DRD1: variants seen among roughly 807,000 people sequenced by gnomAD.
DRD1 encodes dopamine receptor D1.
Under a neutral mutation model 23.8 loss-of-function variants are expected in DRD1, and 2 were observed. The ratio of observed to expected loss-of-function variants is 0.08; its 90% CI spans 0.03 to 0.26. The LOEUF is 0.26. DRD1 is among the 10% of genes least tolerant of loss of function. The pLI, the probability that DRD1 is intolerant of heterozygous loss-of-function variation, is 1.00. For synonymous variants in DRD1, 218 were observed against 225.7 expected (o/e 0.97, Z 0.30); for missense variants, 376 against 559.0 (o/e 0.67, Z 3.30).
At position 175,441,361 on chromosome 5, in the gene DRD1, T is replaced by G. The variant is rs1389980967; in HGVS notation, c.*398A>C. On this transcript the variant is annotated 3_prime_UTR_variant, in exon 2 of 2. Transcript: ENST00000393752. The stretch of plus-strand genomic sequence containing the variant: ...TACCTTTACAATCTGAAAACTTTGC[T>G]GGGAACAGTGTTAGCACCTGTTTGT... The G allele has an allele frequency of 6.3e-6, 1 of 159,760 alleles. No homozygotes were observed. The highest frequency in any genetic ancestry group is 2.4e-5 in the African/African-American group (1 of 41,694). The allele number at this position is 159,760 out of a possible 1,614,324, so 9.9% of individuals were successfully genotyped here.
chr5:175,443,006 G>C lies in DRD1; in HGVS notation c.94C>G (p.Leu32Val). 1 of 1,614,168 alleles carries C rather than the reference G, an allele frequency of 6.2e-7. No individual in the cohort carries two copies. The highest frequency in any genetic ancestry group is 8.5e-7 in the Non-Finnish European group (1 of 1,180,034). Residue 32 changes from leucine to valine, a missense_variant, in exon 2 of 2, where the codon CTG becomes GTG. This residue lies in a region of DRD1 where 47 missense variants were observed against 39.4 expected (regional missense o/e 1.19). Transcript: ENST00000393752. Reference sequence around the variant, plus strand: ...CCCAGGAGCGTGGACAGGATGAGCAGCGACAGGAAACAGGCAGTGAGGATA... The same window carrying C: ...CCCAGGAGCGTGGACAGGATGAGCACCGACAGGAAACAGGCAGTGAGGATA... Reference protein sequence around the residue: ...VRILTACFLSLLILSTLLGNT... With the variant: ...VRILTACFLSVLILSTLLGNT...
At position 175,444,079 on chromosome 5, in the gene DRD1, C is replaced by T. The variant is rs1476102954; in HGVS notation, c.-864G>A. ...TGGCGAACCTCGGGCGGCCTTCAGC[C>T]CTACAGAGCAGGGCCCCGCGCCTCC... On this transcript the variant is annotated 5_prime_UTR_variant, in exon 1 of 2. Transcript: ENST00000393752. 6.6e-6 allele frequency: 1 copy of T among 152,474 alleles called. No individual in the cohort carries two copies. Among genetic ancestry groups the T allele is most frequent in the Admixed American group, 6.5e-5 (1 of 15,292 alleles). 9.4% of individuals were successfully genotyped at this position (152,474 alleles called of 1,614,324 possible). A position where few individuals can be genotyped will look rare whatever the true frequency, so the allele number is the denominator to read the frequency against.
rs1168283420 is a variant in DRD1, at chr5:175,442,727, T to C, written c.373A>G (p.Ile125Val). Residue 125 changes from isoleucine (I) to valine (V), a missense_variant, in exon 2 of 2, where the codon ATC (isoleucine) becomes GTC (valine). Transcript: ENST00000393752. This position sits in a 1 kb window ranked among gnomAD's most constrained non-coding sequence, Gnocchi z 7.3. Reference protein sequence around the residue: ...CVISVDRYWAISSPFRYERKM... With the variant: ...CVISVDRYWAVSSPFRYERKM... The stretch of plus-strand genomic sequence containing the variant: ...CTCTCATACCGGAAAGGGCTGGAGA[T>C]AGCCCAATACCTGTCCACGCTGATC... 6.2e-7 allele frequency: 1 copy of C among 1,613,854 alleles called. No individual in the cohort carries two copies. Among genetic ancestry groups the C allele is most frequent in the Non-Finnish European group, 8.5e-7 (1 of 1,180,008 alleles).
Position 175,443,110 on chromosome 5 carries a change from G to C in DRD1, c.-11C>G, listed in dbSNP as rs1758554556. ...GTTCAGAGTCCTCATCTTCCTAAGA[G>C]AAAGCACATCAGGGGCTCTGACACC... On this transcript the variant is annotated 5_prime_UTR_variant, in exon 2 of 2. Transcript: ENST00000393752. The C allele has an allele frequency of 2.5e-6, 4 of 1,610,128 alleles. No homozygotes were observed. In the East Asian group the frequency reaches 6.7e-5, roughly 27 times the overall value.
At position 175,443,161 on chromosome 5, in the gene DRD1, G is replaced by A; in HGVS notation, c.-62C>T. On this transcript the variant is annotated 5_prime_UTR_variant, in exon 2 of 2. Coordinates refer to ENST00000393752, the MANE Select transcript of DRD1 (RefSeq NM_000794.5). ...CCTCAAGTTCCCAAGCAGGGAATAG[G>A]GGTCAGTCAGATTTCCAGGAGTCCT... 1 of 1,552,452 alleles carries A rather than the reference G, an allele frequency of 6.4e-7. No homozygotes were observed. Among genetic ancestry groups the A allele is most frequent in the South Asian group, 1.2e-5 (1 of 80,144 alleles).
Position 175,440,877 on chromosome 5 carries a change from A to T in DRD1, c.*882T>A, listed in dbSNP as rs1469399105. On this transcript the variant is annotated 3_prime_UTR_variant, in exon 2 of 2. Transcript: ENST00000393752. ...ATTTGTCATTTAAAACGTTTTGAACACAGTAGTAGCTATACTTTTTTAAAT... is the reference window on the plus strand; with the variant it reads ...ATTTGTCATTTAAAACGTTTTGAACTCAGTAGTAGCTATACTTTTTTAAAT... 1 of 152,570 alleles carries T rather than the reference A, an allele frequency of 6.6e-6. No homozygotes were observed. The highest frequency in any genetic ancestry group is 6.5e-5 in the Admixed American group (1 of 15,286). The allele number at this position is 152,570 out of a possible 1,614,324, so 9.5% of individuals were successfully genotyped here.
rs1247066121 is a variant in DRD1 at position 175,440,607 on chromosome 5, A to C, written c.*1152T>G. ...ATGCAGGGTTTGAGTTTGGTCCCTC[A>C]GTGGGGCTGCTGTAACCCACTGTCT... On this transcript the variant is annotated 3_prime_UTR_variant, in exon 2 of 2. Coordinates refer to ENST00000393752, the MANE Select transcript of DRD1 (RefSeq NM_000794.5). 1.3e-5 allele frequency: 2 copies of C among 152,748 alleles called. No homozygotes were observed. Among genetic ancestry groups the C allele is most frequent in the African/African-American group, 2.4e-5 (1 of 41,580 alleles). The allele number at this position is 152,748 out of a possible 1,614,324, so 9.5% of individuals were successfully genotyped here. A position where few individuals can be genotyped will look rare whatever the true frequency, so the allele number is the denominator to read the frequency against.
chr5:175,442,745 C>A lies in DRD1; in HGVS notation c.355G>T (p.Val119Leu). Residue 119 changes from valine (V) to leucine (L), a missense_variant, in exon 2 of 2, where the codon GTG (valine) becomes TTG (leucine). This residue lies in a region of DRD1 where 121 missense variants were observed against 239.4 expected (regional missense o/e 0.51). Coordinates refer to ENST00000393752, the MANE Select transcript of DRD1 (RefSeq NM_000794.5). This position sits in a 1 kb window ranked among gnomAD's most constrained non-coding sequence, Gnocchi z 7.3. ...ASILNLCVIS[V>L]DRYWAISSPF... ...CTGGAGATAGCCCAATACCTGTCCA[C>A]GCTGATCACACAGAGGTTGAGGATG... is the stretch of plus-strand genomic sequence containing the variant. The A allele has an allele frequency of 6.2e-7, 1 of 1,614,100 alleles. No homozygotes were observed. Among genetic ancestry groups the A allele is most frequent in the Non-Finnish European group, 8.5e-7 (1 of 1,180,016 alleles).
In DRD1 at chr5:175,442,833, G is replaced by A; in HGVS notation, c.267C>T (p.Phe89=). 1 of 1,614,174 alleles carries A rather than the reference G, an allele frequency of 6.2e-7. No homozygotes were observed. Among genetic ancestry groups the A allele is most frequent in the Non-Finnish European group, 8.5e-7 (1 of 1,180,042 alleles). Residue 89 remains phenylalanine (F), a synonymous_variant, in exon 2 of 2, where the codon TTC becomes TTT. Transcript: ENST00000393752. This position sits in a 1 kb window ranked among gnomAD's most constrained non-coding sequence, Gnocchi z 7.3. ...TGTTACAGAAGGACCCAAAGGGCCA[G>A]AAGCCAGCAATCTCAGCCACTGCCT... ...PWKAVAEIAG[F]WPFGSFCNIW...
In DRD1 at chr5:175,441,732, C is replaced by G; in HGVS notation, c.*27G>C. 2 of 1,536,468 alleles carry G rather than the reference C, an allele frequency of 1.3e-6. No individual in the cohort carries two copies. The highest frequency in any genetic ancestry group is 1.7e-6 in the Non-Finnish European group (2 of 1,144,126). On this transcript the variant is annotated 3_prime_UTR_variant, in exon 2 of 2. Transcript: ENST00000393752. ...AATCTCCTCTAGCTTTTGGGATGAG[C>G]ATGTGTGGCAGGATTCATCTGCGAG...
In DRD1 at chr5:175,442,945, C is replaced by T. The variant is rs1334164789; in HGVS notation, c.155G>A (p.Arg52Gln). The stretch of plus-strand genomic sequence containing the variant: ...GTTGGTCACCTTGGACCGCAGGTGT[C>T]GGAACCTGATAACGGCAGCACAGAC... ...TLVCAAVIRF[R>Q]HLRSKVTNFF... The change falls in exon 2 of 2, where the codon CGA becomes CAA. Residue 52 changes from arginine to glutamine, a missense_variant. Transcript: ENST00000393752. This position sits in a 1 kb window ranked among gnomAD's most constrained non-coding sequence, Gnocchi z 7.3. 7 of 1,613,790 alleles carry T rather than the reference C, an allele frequency of 4.3e-6. No individual in the cohort carries two copies. The highest frequency in any genetic ancestry group is 2.2e-5 in the East Asian group (1 of 44,868).
At position 175,442,413 on chromosome 5, in the gene DRD1, C is replaced by T. The variant is rs1276423720; in HGVS notation, c.687G>A (p.Ala229=). The change falls in exon 2 of 2, where the codon GCG becomes GCA. Residue 229 remains alanine, a synonymous_variant. Transcript: ENST00000393752. This position sits in a 1 kb window ranked among gnomAD's most constrained non-coding sequence, Gnocchi z 7.3. ...CGTGGACTGCTGCCCTCTCCAAGGC[C>T]GCAATGCGCCGTATTTGTTTCTGAG... is the stretch of plus-strand genomic sequence containing the variant. ...RIAQKQIRRI[A]ALERAAVHAK... 5 of 1,614,154 alleles carry T rather than the reference C, an allele frequency of 3.1e-6. No homozygotes were observed. Among genetic ancestry groups the T allele is most frequent in the East Asian group, 2.2e-5 (1 of 44,876 alleles).
chr5:175,443,237 C>T lies in DRD1; in HGVS notation c.-138G>A, dbSNP rs769511379. The stretch of plus-strand genomic sequence containing the variant: ...CCAGATTGCTTCCCTGGCAGAGGGC[C>T]TCACCAACATTCCATGAGAGGACCG... On this transcript the variant is annotated 5_prime_UTR_variant, in exon 2 of 2. Transcript: ENST00000393752. 4.2e-6 allele frequency: 5 copies of T among 1,178,940 alleles called. No homozygotes were observed. Among genetic ancestry groups the T allele is most frequent in the Non-Finnish European group, 5.9e-6 (5 of 841,302 alleles). The allele number at this position is 1,178,940 out of a possible 1,614,324, so 73.0% of individuals were successfully genotyped here.
rs1451175040 is a variant in DRD1 at position 175,443,091 on chromosome 5, A to G, written c.9T>C (p.Thr3=). ...TCCCGTCCATGGCAGAGGTGTTCAGAGTCCTCATCTTCCTAAGAGAAAGCA... is the reference window on the plus strand; with the variant it reads ...TCCCGTCCATGGCAGAGGTGTTCAGGGTCCTCATCTTCCTAAGAGAAAGCA... MR[T]LNTSAMDGTG... The change falls in exon 2 of 2, where the codon ACT becomes ACC. Residue 3 remains threonine, a synonymous_variant. Coordinates refer to ENST00000393752, the MANE Select transcript of DRD1 (RefSeq NM_000794.5). 6 of 1,613,456 alleles carry G rather than the reference A, an allele frequency of 3.7e-6. No homozygotes were observed. The highest frequency in any genetic ancestry group is 2.2e-5 in the South Asian group (2 of 90,988).
Position 175,441,599 on chromosome 5 carries a change from G to T in DRD1, c.*160C>A, listed in dbSNP as rs770403637. On this transcript the variant is annotated 3_prime_UTR_variant, in exon 2 of 2. Transcript: ENST00000393752. ...TATGAACAACACAGAAAATACACTGGAATGTATTTGGAAACGGAGTTAATT... is the reference window on the plus strand; with the variant it reads ...TATGAACAACACAGAAAATACACTGTAATGTATTTGGAAACGGAGTTAATT... The T allele has an allele frequency of 3.7e-5, 32 of 854,196 alleles. 1 individual carries two copies. Among genetic ancestry groups the T allele is most frequent in the Non-Finnish European group, 4.7e-5 (27 of 569,940 alleles). The allele number at this position is 854,196 out of a possible 1,614,324, so 52.9% of individuals were successfully genotyped here.
In DRD1 at chr5:175,443,147, C is replaced by T. The variant is rs4532; in HGVS notation, c.-48G>A. 0.64 allele frequency: 1,015,407 copies of T among 1,578,260 alleles called. 331,832 individuals are homozygous for T. The highest frequency in any genetic ancestry group is 0.89 in the African/African-American group (66,180 of 74,080). On this transcript the variant is annotated 5_prime_UTR_variant, in exon 2 of 2. Coordinates refer to ENST00000393752, the MANE Select transcript of DRD1 (RefSeq NM_000794.5). ...GGGGCTCTGACACCCCTCAAGTTCC[C>T]AAGCAGGGAATAGGGGTCAGTCAGA...
rs548677242 is a variant in DRD1, at chr5:175,442,346, C to T, written c.754G>A (p.Glu252Lys). The change falls in exon 2 of 2, where the codon GAA becomes AAA. Residue 252 changes from glutamate to lysine, a missense_variant. Physicochemically the swap from Glu to Lys is moderately conservative, Grantham distance 56. Around this residue, in one of 5 missense-constraint regions of DRD1, gnomAD observed 44 missense variants for 46.7 expected, o/e 0.94. Transcript: ENST00000393752. This position sits in a 1 kb window ranked among gnomAD's most constrained non-coding sequence, Gnocchi z 7.3. ...QTTTGNGKPV[E>K]CSQPESSFKM... ...AAAGAACTTTCCGGTTGAGAACATTCGACAGGCTTTCCATTACCTGTGGTG... is the reference window on the plus strand; with the variant it reads ...AAAGAACTTTCCGGTTGAGAACATTTGACAGGCTTTCCATTACCTGTGGTG... 29 of 1,614,092 alleles carry T rather than the reference C, an allele frequency of 1.8e-5. No homozygotes were observed. Among genetic ancestry groups the T allele is most frequent in the South Asian group, 1.8e-4 (16 of 91,068 alleles).
At position 175,442,420 on chromosome 5, in the gene DRD1, C is replaced by A; in HGVS notation, c.680G>T (p.Arg227Leu). ...IYRIAQKQIRRIAALERAAVH... is the reference protein window; with the variant it reads ...IYRIAQKQIRLIAALERAAVH... ...TGCTGCCCTCTCCAAGGCCGCAATG[C>A]GCCGTATTTGTTTCTGAGCAATCCT... Residue 227 changes from arginine to leucine, a missense_variant, in exon 2 of 2, where the codon CGC (arginine) becomes CTC (leucine). This residue lies in a region of DRD1 where 44 missense variants were observed against 46.7 expected (regional missense o/e 0.94). Transcript: ENST00000393752. This position sits in a 1 kb window ranked among gnomAD's most constrained non-coding sequence, Gnocchi z 7.3. 1 of 1,614,184 alleles carries A rather than the reference C, an allele frequency of 6.2e-7. No individual in the cohort carries two copies.
rs1410005060 is a variant in DRD1 at position 175,440,676 on chromosome 5, A to T, written c.*1083T>A. 5 of 152,618 alleles carry T rather than the reference A, an allele frequency of 3.3e-5. No individual in the cohort carries two copies. The highest frequency in any genetic ancestry group is 1.2e-4 in the African/African-American group (5 of 41,454). The allele number at this position is 152,618 out of a possible 1,614,324, so 9.5% of individuals were successfully genotyped here. ...CAGGAAAGCCATTTGTGTGGTTCAG[A>T]AAAACTACCTGACACATGAAATGAG... On this transcript the variant is annotated 3_prime_UTR_variant, in exon 2 of 2. Transcript: ENST00000393752.
Sources: allele counts gnomAD v4.1 joint callset, GRCh38; gene constraint gnomAD v4.1.1; regional missense constraint gnomAD v4.1.1; non-coding constraint Gnocchi (gnomAD v3.1); transcripts MANE v1.5; gene names NCBI Gene and HGNC (gene_info 2026-07-23, HGNC 2026-07-21).